Variants in FUT8 observed in about 807,000 individuals in gnomAD.
The protein encoded by FUT8 is alpha-(1,6)-fucosyltransferase.
In FUT8, 29 loss-of-function variants were observed where a neutral mutation model predicts 71.3. The ratio of observed to expected loss-of-function variants is 0.41; its 90% CI spans 0.30 to 0.55. The LOEUF (loss-of-function observed/expected upper bound fraction) is 0.55. Among genes scored for constraint, FUT8 ranks in the 20% least tolerant of loss-of-function variants. The probability of loss-of-function intolerance (pLI) is 0.34; values close to 1 mark genes in which losing one functional copy is unlikely to be tolerated. For synonymous variants in FUT8, 254 were observed against 239.3 expected, an observed-to-expected ratio of 1.06 and a Z score of -0.57; for missense variants, 544 against 702.1, an observed-to-expected ratio of 0.77 and a Z score of 2.55.
intron 1 of FUT8, among the ~76,000 whole-genome samples, chr14:65,429,312 A>G (rs2065433575): frequency 6.6e-6 from 1 of 152,164 alleles, no homozygotes; most frequent in Non-Finnish European, 1.5e-5. Flanking sequence ...ATTTTTACCC[A>G]ACATACTAGA....
intron 3 of FUT8, among the ~76,000 whole-genome samples, chr14:65,597,834 C>T (rs993992082): frequency 3.3e-5 from 5 of 151,990 alleles, no homozygotes; most frequent in Admixed American, 2.6e-4. Context: ...GTATTTGTGA[C>T]TCAGGCCATC....
chr14:65,551,687 G>A (rs1456314855), intron 2 of FUT8, among the ~76,000 whole-genome samples: 1 of 152,106 alleles, frequency 6.6e-6, no homozygotes, highest in Non-Finnish European at 1.5e-5. Flanking sequence ...TATATATTAT[G>A]TATAGCTTTT....
At chr14:65,408,058 G>C (rs567958244), upstream of FUT8, among the ~76,000 whole-genome samples, 1 of 152,154 alleles carries the variant, frequency 6.6e-6, no homozygotes, top group South Asian at 2.1e-4. Context: ...GCATATTCTA[G>C]TCTAGCATAA....
At chr14:65,642,669 A>T (rs1361019380) in intron 6 of FUT8, among the ~76,000 whole-genome samples, 3 of 150,640 alleles carry the variant, frequency 2.0e-5, no homozygotes, top group Non-Finnish European at 4.4e-5. Flanking sequence ...TCTTTCTGTT[A>T]GTACCACACT....
At chr14:65,453,881 C>A (rs1594646501) in intron 1 of FUT8, among the ~76,000 whole-genome samples, 1 of 152,168 alleles carries the variant, frequency 6.6e-6, no homozygotes, top group Non-Finnish European at 1.5e-5. Flanking sequence ...CTCCACTGTT[C>A]CAAACTCTGT....
At chr14:65,439,985 T>TATATATATATATAC (rs2065626473) in intron 1 of FUT8, among the ~76,000 whole-genome samples, 1 of 137,166 alleles carries the variant, frequency 7.3e-6, no homozygotes, top group Admixed American at 7.2e-5. Context: ...TATATATATA[T>TATATATATATATAC]ATATATGTAC....
chr14:65,474,451 A>AAAAAAAAAAAAAAAAAAAAAAAC, intron 2 of FUT8, among the ~76,000 whole-genome samples: 1 of 146,126 alleles, frequency 6.8e-6, no homozygotes, highest in Non-Finnish European at 1.5e-5. Flanking sequence ...GAAAAAAAAA[A>AAAAAAAAAAAAAAAAAAAAAAAC]AAAAAAGCCA....
At chr14:65,633,163 C>T (rs1217859051) in intron 6 of FUT8, among the ~76,000 whole-genome samples, 4 of 152,184 alleles carry the variant, frequency 2.6e-5, no homozygotes, top group Admixed American at 1.3e-4. Context: ...CGATTGCAGG[C>T]GCGCGCCGCC....
chr14:65,611,274 CACACACACACACACACACACACACACA>C lies in FUT8; in HGVS notation c.204-4703_204-4677del, dbSNP rs1566851409. 2.7e-4 allele frequency among the ~76,000 whole-genome samples: 16 copies of C among 59,116 alleles called. 2 individuals carry two copies. The highest frequency in any genetic ancestry group is 5.9e-4 in the African/African-American group (7 of 11,788). The allele number at this position is 59,116 out of a possible 152,430, so 38.8% of individuals were successfully genotyped here. The stretch of plus-strand genomic sequence containing the variant: ...ACACACACACACACACACACACACA[CACACACACACACACACACACACACACA>C]CCCCCCAAGTAATAGCCTTGATTTT... On this transcript the variant is annotated intron_variant, in intron 3 of 10. Coordinates refer to ENST00000673929, the MANE Select transcript of FUT8 (RefSeq NM_001371533.1).
At chr14:65,687,299 A>G (rs1302049594) in intron 7 of FUT8, among the ~76,000 whole-genome samples, 1 of 152,168 alleles carries the variant, frequency 6.6e-6, no homozygotes, top group Non-Finnish European at 1.5e-5. Context: ...AGAAAATCAC[A>G]TGGTGAGGTA....
chr14:65,651,541 A>G (rs1891408053), intron 6 of FUT8, among the ~76,000 whole-genome samples: 1 of 152,336 alleles, frequency 6.6e-6, no homozygotes, highest in Middle Eastern at 3.4e-3. Context: ...AATTCGAATG[A>G]TGAAAGTTAA....
intron 7 of FUT8, among the ~76,000 whole-genome samples, chr14:65,692,241 C>G (rs1171731270): frequency 6.7e-6 from 1 of 149,548 alleles, no homozygotes; most frequent in Non-Finnish European, 1.5e-5. Context: ...CTGACCCCCC[C>G]ACCTCCCTCC....
chr14:65,575,881 A>G (rs1886745676), intron 3 of FUT8, among the ~76,000 whole-genome samples: 1 of 152,130 alleles, frequency 6.6e-6, no homozygotes, highest in Non-Finnish European at 1.5e-5. Flanking sequence ...TGGCCTCCCC[A>G]AGTGCTAAGA....
At chr14:65,371,537 A>G in the FUT8 span, among the ~76,000 whole-genome samples, 1 of 152,258 alleles carries the variant, frequency 6.6e-6, no homozygotes, top group Non-Finnish European at 1.5e-5. Context: ...CAGTTATTTC[A>G]TAATAAATAA....
At position 65,413,848 on chromosome 14, in the gene FUT8, TAGG is replaced by T. The variant is rs2065179407; in HGVS notation, c.-326+638_-326+640del. Among the ~76,000 whole-genome samples, 1 of 152,194 alleles carries T rather than the reference TAGG, an allele frequency of 6.6e-6. No homozygotes were observed. The highest frequency in any genetic ancestry group is 1.9e-4 in the East Asian group (1 of 5,198). On this transcript the variant is annotated intron_variant, in intron 1 of 10. Coordinates refer to ENST00000673929, the MANE Select transcript of FUT8 (RefSeq NM_001371533.1). This position sits in a 1 kb window ranked among gnomAD's most constrained non-coding sequence, Gnocchi z 4.1. ...TAAATGAGTCCATATTTATCAGTTC[TAGG>T]AGGTTTGTCCTGCAGGATTGAGTGG...
chr14:65,534,365 C>G (rs937043035), intron 2 of FUT8, among the ~76,000 whole-genome samples: 3 of 151,426 alleles, frequency 2.0e-5, no homozygotes, highest in East Asian at 1.9e-4. Context: ...GGCTGGAGTT[C>G]TCTTTCTTTG....
chr14:65,725,502 A>G (rs1895634801), intron 9 of FUT8, among the ~76,000 whole-genome samples: 1 of 152,174 alleles, frequency 6.6e-6, no homozygotes. Flanking sequence ...ATGTATGTAA[A>G]AGTAGGAAAT....
At chr14:65,616,178 G>A (rs746179555) in intron 4 of FUT8, 33 bp from the exon 5 acceptor site, 2 of 1,597,386 alleles carry the variant, frequency 1.3e-6, no homozygotes, top group Admixed American at 3.5e-5. Flanking sequence ...CAAAATGTTG[G>A]AAATGCTACA....
rs577236037 is a variant in FUT8, at chr14:65,622,104, G to A, written c.482+5731G>A. Among the ~76,000 whole-genome samples the A allele has an allele frequency of 3.5e-3, 529 of 152,260 alleles. 2 individuals carry two copies. Among genetic ancestry groups the A allele is most frequent in the African/African-American group, 0.012 (498 of 41,548 alleles). ...CTCTCAAAGTGCTGGGATTACAGGC[G>A]TCAGCCACTGCGCCTAGCTTAGTTC... On this transcript the variant is annotated intron_variant, in intron 5 of 10. Coordinates refer to ENST00000673929, the MANE Select transcript of FUT8 (RefSeq NM_001371533.1).
Sources: gnomAD v4.1 joint callset for allele counts (sites outside exome capture counted in the v4.1 genomes callset) on GRCh38, gnomAD v4.1.1 for gene constraint, Gnocchi (gnomAD v3.1) non-coding constraint, MANE v1.5 for transcripts, NCBI Gene and HGNC (gene_info 2026-07-23, HGNC 2026-07-21) for gene names.